Variants in UVSSA observed in about 807,000 individuals in gnomAD.
UVSSA encodes the protein UV-stimulated scaffold protein A.
Under a neutral mutation model 73.9 loss-of-function variants are expected in UVSSA, and 72 were observed. The observed-to-expected ratio is 0.97, with a 90% confidence interval of 0.81 to 1.19. The LOEUF is 1.19. Ranked by LOEUF, UVSSA falls within the 50% of genes most tolerant of loss-of-function variation. UVSSA has a pLI of 0.00. For missense variants in UVSSA, 1,150 were observed against 965.0 expected (o/e 1.19, Z -2.54); for synonymous variants, 454 against 391.3 (o/e 1.16, Z -1.89).
chr4:1,380,875 T>C lies in UVSSA; in HGVS notation c.1753-5T>C, dbSNP rs1387162585. ...GCCATCAGCCACCGTGTCCTCGCTG[T>C]GCAGTGCCCTTTCCATGGGAAGATT... is the stretch of plus-strand genomic sequence containing the variant. On this transcript the variant is annotated splice_polypyrimidine_tract_variant and splice_region_variant and intron_variant, in intron 11 of 13. Coordinates refer to ENST00000389851, the MANE Select transcript of UVSSA (RefSeq NM_020894.4). 14 of 1,612,432 alleles carry C rather than the reference T, an allele frequency of 8.7e-6. No homozygotes were observed. The South Asian group carries it at 1.4e-4, about 16-fold the overall frequency.
In UVSSA at chr4:1,395,457, C is replaced by G. The variant is rs200438890; in HGVS notation, c.*9496C>G. On this transcript the variant is annotated 3_prime_UTR_variant, in exon 14 of 14. Transcript: ENST00000511216. The stretch of plus-strand genomic sequence containing the variant: ...TGGAGTGCCCGCCTGCTCACGTGCC[C>G]ATATGGAGTGCCCGCCTGCTCACAC... 26 of 1,450,970 alleles carry G rather than the reference C, an allele frequency of 1.8e-5. No homozygotes were observed. The South Asian group carries it at 2.6e-4, about 15-fold the overall frequency. The allele number at this position is 1,450,970 out of a possible 1,614,324, so 89.9% of individuals were successfully genotyped here.
chr4:1,371,610 G>A (rs1462650677), intron 8 of UVSSA, among the ~76,000 whole-genome samples: 1 of 152,200 alleles, frequency 6.6e-6, no homozygotes, highest in African/African-American at 2.4e-5. Flanking sequence ...CAATCATGGT[G>A]GAAGGCAAGA....
intron 7 of UVSSA, chr4:1,359,425 G>A (rs1249025945): frequency 4.6e-5 from 7 of 152,170 alleles, no homozygotes; most frequent in Non-Finnish European, 1.0e-4. Context: ...AAACTTTCAC[G>A]TTGCCTGCTG....
intron 13 of UVSSA, 133 bp downstream of exon 13, chr4:1,384,073 G>A: frequency 8.3e-7 from 1 of 1,200,498 alleles, no homozygotes; most frequent in Non-Finnish European, 1.1e-6. Flanking sequence ...GAGTTCCCCT[G>A]GGGGACCACC....
At chr4:1,379,278 G>A (rs1459556349) in intron 10 of UVSSA, among the ~76,000 whole-genome samples, 2 of 152,208 alleles carry the variant, frequency 1.3e-5, no homozygotes, top group African/African-American at 4.8e-5. Flanking sequence ...GAGGCCTGGT[G>A]GCAGCACAGG....
chr4:1,345,100 C>A (rs951597489), upstream of UVSSA, among the ~76,000 whole-genome samples: 1 of 152,080 alleles, frequency 6.6e-6, no homozygotes, highest in African/African-American at 2.4e-5. Flanking sequence ...TCAAAGGTCC[C>A]TCTGGTTGCT....
intron 6 of UVSSA, 61 bp from the exon 7 acceptor site, chr4:1,355,056 A>C: frequency 1.9e-6 from 3 of 1,595,266 alleles, no homozygotes; most frequent in Non-Finnish European, 2.6e-6. Flanking sequence ...GCCTCCCAGC[A>C]GGACAGCTTC....
chr4:1,342,645 T>C (rs1186086525), upstream of UVSSA, among the ~76,000 whole-genome samples: 2 of 152,246 alleles, frequency 1.3e-5, no homozygotes, highest in Non-Finnish European at 2.9e-5. Context: ...AACACATCTC[T>C]TAACTTGTGT....
intron 11 of UVSSA, 61 bp from the exon 12 acceptor site, chr4:1,380,819 G>T: frequency 6.3e-7 from 1 of 1,594,582 alleles, no homozygotes; most frequent in East Asian, 2.2e-5. Flanking sequence ...GGTGGTGGGG[G>T]GAGGTGGTCA....
At chr4:1,390,321 C>T (rs774960924), downstream of UVSSA, 3 of 152,158 alleles carry the variant, frequency 2.0e-5, no homozygotes, top group Non-Finnish European at 4.4e-5. Flanking sequence ...TTTTGAGAGA[C>T]AAGATCTCAC....
At position 1,383,837 on chromosome 4, in the gene UVSSA, A is replaced by G. The variant is rs201318732; in HGVS notation, c.1933A>G (p.Ser645Gly). Residue 645 changes from serine (S) to glycine (G), a missense_variant, in exon 13 of 14, where the codon AGC becomes GGC. By Grantham distance (56) the Ser-to-Gly change is moderately conservative. Transcript: ENST00000389851. ...GCAGGATCTCGGCTCATCCAGGTACAGCGGGAAAGGCAGGGGGAAGAAGAG... is the reference window on the plus strand; with the variant it reads ...GCAGGATCTCGGCTCATCCAGGTACGGCGGGAAAGGCAGGGGGAAGAAGAG... ...TGQDLGSSRY[S>G]GKGRGKKRRY... The G allele has an allele frequency of 3.1e-4, 503 of 1,613,524 alleles. 5 individuals carry two copies. The highest frequency in any genetic ancestry group is 2.5e-3 in the Middle Eastern group (15 of 6,060).
intron 11 of UVSSA, 98 bp from the exon 12 acceptor site, chr4:1,380,782 C>T: frequency 6.3e-7 from 1 of 1,586,286 alleles, no homozygotes; most frequent in Non-Finnish European, 8.6e-7. Context: ...TACCACCCAC[C>T]CTGGTCGCTG....
In UVSSA at chr4:1,372,693, C is replaced by T. The variant is rs532001273; in HGVS notation, c.1289-2671C>T. 1.7e-3 allele frequency among the ~76,000 whole-genome samples: 231 copies of T among 137,080 alleles called. 12 individuals are homozygous for T. Among genetic ancestry groups the T allele is most frequent in the Middle Eastern group, 0.011 (3 of 270 alleles). 89.9% of individuals were successfully genotyped at this position (137,080 alleles called of 152,430 possible). A position where few individuals can be genotyped will look rare whatever the true frequency, so the allele number is the denominator to read the frequency against. Reference sequence around the variant, plus strand: ...TTCCTCCCGCGTCTCAGGGCACTCACGTCCCGCATCTCAGAGCACTCATCT... The same window carrying T: ...TTCCTCCCGCGTCTCAGGGCACTCATGTCCCGCATCTCAGAGCACTCATCT... On this transcript the variant is annotated intron_variant, in intron 8 of 13. Coordinates refer to ENST00000389851, the MANE Select transcript of UVSSA (RefSeq NM_020894.4).
intron 5 of UVSSA, among the ~76,000 whole-genome samples, chr4:1,354,081 C>T (rs1161124671): frequency 6.6e-6 from 1 of 152,212 alleles, no homozygotes; most frequent in East Asian, 1.9e-4. Context: ...GCAGGCACAG[C>T]AGGTGTCCCT....
chr4:1,364,660 C>T (rs1717077774), intron 7 of UVSSA, among the ~76,000 whole-genome samples: 1 of 152,184 alleles, frequency 6.6e-6, no homozygotes, highest in African/African-American at 2.4e-5. Context: ...ACAGGGATCT[C>T]TCTCCCGGGA....
intron 2 of UVSSA, 112 bp downstream of exon 2, chr4:1,348,301 C>T (rs1363481194): frequency 1.2e-6 from 1 of 808,460 alleles, no homozygotes; most frequent in Non-Finnish European, 2.0e-6. Context: ...GGGACACACC[C>T]AGGACATTTT....
chr4:1,360,958 T>C (rs1716539909), intron 7 of UVSSA, among the ~76,000 whole-genome samples: 1 of 152,226 alleles, frequency 6.6e-6, no homozygotes, highest in Non-Finnish European at 1.5e-5. Context: ...GAACGTCCTA[T>C]GTGGGACCCA....
chr4:1,372,414 C>T (rs1028321357), intron 8 of UVSSA, among the ~76,000 whole-genome samples: 27 of 152,282 alleles, frequency 1.8e-4, no homozygotes, highest in South Asian at 1.0e-3. Flanking sequence ...TTATGTGCCC[C>T]GTTGTTGTGC....
rs1388461268 is a variant in UVSSA, at chr4:1,387,763, T to G, written c.*1802T>G. The G allele has an allele frequency of 6.6e-6, 1 of 152,232 alleles. No individual in the cohort carries two copies. The highest frequency in any genetic ancestry group is 2.4e-5 in the African/African-American group (1 of 41,462). 9.4% of individuals were successfully genotyped at this position (152,232 alleles called of 1,614,324 possible). ...ATCAGTTGACCAAAAATGTACAGGC[T>G]TATTTCTGGGCACTTGACTCTATTC... On this transcript the variant is annotated 3_prime_UTR_variant, in exon 14 of 14. Transcript: ENST00000389851.
Sources: allele counts gnomAD v4.1 joint callset (sites outside exome capture counted in the v4.1 genomes callset), GRCh38; gene constraint gnomAD v4.1.1; transcripts MANE v1.5; gene names NCBI Gene and HGNC (gene_info 2026-07-23, HGNC 2026-07-21).